UNC5D: variants seen among roughly 807,000 people sequenced by gnomAD.
UNC5D encodes netrin receptor UNC5D.
In UNC5D, 39 loss-of-function variants were observed where a neutral mutation model predicts 105.4. The ratio of observed to expected loss-of-function variants is 0.37; its 90% CI spans 0.29 to 0.48. The LOEUF is 0.48. Among genes scored for constraint, UNC5D ranks in the 20% least tolerant of loss-of-function variants. The pLI is 0.98. For missense variants in UNC5D, 991 were observed against 1,202.4 expected (o/e 0.82, Z 2.60); for synonymous variants, 452 against 450.4 (o/e 1.00, Z -0.04).
At chr8:35,486,819 T>G (rs927250069) in intron 1 of UNC5D, among the ~76,000 whole-genome samples, 1 of 152,190 alleles carries the variant, frequency 6.6e-6, no homozygotes, top group Admixed American at 6.5e-5. Flanking sequence ...TATATTAGTA[T>G]TTTTGAAATA....
Position 35,284,338 on chromosome 8 carries a change from A to T in UNC5D, c.103+48451A>T, listed in dbSNP as rs146631607. Among the ~76,000 whole-genome samples, 28 of 152,308 alleles carry T rather than the reference A, an allele frequency of 1.8e-4. No individual in the cohort carries two copies. In the East Asian group the frequency reaches 5.4e-3, roughly 29 times the overall value. ...AAAAATTCACTACTTTTGGTGACAG[A>T]TGTTATTTGCACAAGAATGACAAAA... On this transcript the variant is annotated intron_variant, in intron 1 of 16. Transcript: ENST00000404895.
At chr8:35,484,486 C>T (rs1384089471) in intron 1 of UNC5D, among the ~76,000 whole-genome samples, 2 of 152,144 alleles carry the variant, frequency 1.3e-5, no homozygotes. Flanking sequence ...CATGGCACCA[C>T]TGAAGGCCAT....
intron 1 of UNC5D, among the ~76,000 whole-genome samples, chr8:35,474,502 A>G (rs1354168881): frequency 6.6e-6 from 1 of 152,202 alleles, no homozygotes; most frequent in African/African-American, 2.4e-5. Context: ...ATAATATTAT[A>G]TGTAAGTTAT....
intron 1 of UNC5D, among the ~76,000 whole-genome samples, chr8:35,538,183 G>C (rs995126075): frequency 6.6e-6 from 1 of 151,688 alleles, no homozygotes; most frequent in Non-Finnish European, 1.5e-5. Context: ...AGGAGAATCG[G>C]CTATAAGCAA....
chr8:35,671,942 T>C (rs1400394417), intron 4 of UNC5D, among the ~76,000 whole-genome samples: 2 of 152,202 alleles, frequency 1.3e-5, no homozygotes, highest in Non-Finnish European at 2.9e-5. Context: ...TAATTTATGC[T>C]AATTCATTCT....
At chr8:35,634,152 T>A (rs1421522985) in intron 4 of UNC5D, among the ~76,000 whole-genome samples, 1 of 152,204 alleles carries the variant, frequency 6.6e-6, no homozygotes, top group Non-Finnish European at 1.5e-5. Context: ...ACATTTAAAA[T>A]CAGGATTATT....
At chr8:35,507,447 T>C (rs1358815219) in intron 1 of UNC5D, among the ~76,000 whole-genome samples, 1 of 152,162 alleles carries the variant, frequency 6.6e-6, no homozygotes, top group Non-Finnish European at 1.5e-5. Context: ...ATCTTTACCC[T>C]GTAAGTAAGA....
At chr8:35,489,348 A>G (rs1171778123) in intron 1 of UNC5D, among the ~76,000 whole-genome samples, 1 of 151,968 alleles carries the variant, frequency 6.6e-6, no homozygotes, top group Non-Finnish European at 1.5e-5. Context: ...GCCACCCCCA[A>G]ATTCATATGT....
chr8:35,353,206 A>C (rs1311456464), intron 1 of UNC5D, among the ~76,000 whole-genome samples: 1 of 152,220 alleles, frequency 6.6e-6, no homozygotes, highest in Non-Finnish European at 1.5e-5. Context: ...TGTAGAAATC[A>C]ATAGGGAAAA....
At chr8:35,311,187 G>A (rs1389271213) in intron 1 of UNC5D, among the ~76,000 whole-genome samples, 3 of 152,196 alleles carry the variant, frequency 2.0e-5, no homozygotes, top group Admixed American at 2.0e-4. Flanking sequence ...GCGTATTTGA[G>A]TGTCTACAAA....
In UNC5D at chr8:35,443,146, G is replaced by T. The variant is rs189588432; in HGVS notation, c.104-106146G>T. On this transcript the variant is annotated intron_variant, in intron 1 of 16. Coordinates refer to ENST00000404895, the MANE Select transcript of UNC5D (RefSeq NM_080872.4). ...TATCCGAAGCTTATTCTATCTCAGG[G>T]TGCTAAAACCCAAGTAACCGTATTT... 2.6e-4 allele frequency among the ~76,000 whole-genome samples: 40 copies of T among 151,824 alleles called. 2 individuals are homozygous for T. In the East Asian group the frequency reaches 6.4e-3, roughly 24 times the overall value.
chr8:35,312,586 G>A (rs753203009), intron 1 of UNC5D, among the ~76,000 whole-genome samples: 3 of 152,110 alleles, frequency 2.0e-5, no homozygotes, highest in Non-Finnish European at 4.4e-5. Context: ...CAGTAAGGAT[G>A]GGCTTGTCAC....
chr8:35,491,894 T>G (rs1811235988), intron 1 of UNC5D, among the ~76,000 whole-genome samples: 1 of 152,170 alleles, frequency 6.6e-6, no homozygotes, highest in Admixed American at 6.6e-5. Context: ...TGAGAATAGT[T>G]ATTGAGTCCC....
rs1336066277 is a variant in UNC5D, at chr8:35,726,409, A to G, written c.1561A>G (p.Met521Val). Residue 521 changes from methionine to valine, a missense_variant, in exon 10 of 17, where the codon ATG becomes GTG. Met to Val is a conservative substitution (Grantham distance 21). This residue lies in a region of UNC5D where 944 missense variants were observed against 1,131.6 expected (regional missense o/e 0.83). Transcript: ENST00000404895. ...TGGAAACAACCACAGCTTTAGTACA[A>G]TGCATCCCAGAAATAAAATGCCCTA... ...PHGNNHSFST[M>V]HPRNKMPYIQ... 3.1e-6 allele frequency: 5 copies of G among 1,614,170 alleles called. No homozygotes were observed. Among genetic ancestry groups the G allele is most frequent in the Non-Finnish European group, 4.2e-6 (5 of 1,180,030 alleles).
At chr8:35,355,965 C>CTA (rs1193670582) in intron 1 of UNC5D, among the ~76,000 whole-genome samples, 1 of 152,104 alleles carries the variant, frequency 6.6e-6, no homozygotes, top group African/African-American at 2.4e-5. Context: ...AGCCTTCAGG[C>CTA]TAGAGTGCTG....
intron 1 of UNC5D, among the ~76,000 whole-genome samples, chr8:35,236,737 C>G (rs931745843): frequency 6.6e-6 from 1 of 152,332 alleles, no homozygotes; most frequent in South Asian, 2.1e-4. Context: ...AGATAAATCC[C>G]AAGGAGTTGT....
At chr8:35,770,905 TG>T (rs1177545385) in intron 15 of UNC5D, among the ~76,000 whole-genome samples, 4 of 152,198 alleles carry the variant, frequency 2.6e-5, no homozygotes, top group African/African-American at 9.6e-5. Context: ...AGGTAGCAGC[TG>T]CTTATCTCAG....
At chr8:35,766,769 A>G (rs1801786438) in intron 14 of UNC5D, 133 bp from the exon 15 acceptor site, 1 of 1,065,044 alleles carries the variant, frequency 9.4e-7, no homozygotes, top group Non-Finnish European at 1.3e-6. Context: ...CTAGGCAATT[A>G]TCTCTGCTGT....
Position 35,235,702 on chromosome 8 carries a change from T to C in UNC5D, c.-83T>C. On this transcript the variant is annotated 5_prime_UTR_variant, in exon 1 of 17. Transcript: ENST00000404895. ...CTCTCTGAAGACTCCCGAGACCCAT[T>C]CGACTCGGGACCCTCATCGCCGACC... 5 of 1,056,446 alleles carry C rather than the reference T, an allele frequency of 4.7e-6. No homozygotes were observed. Among genetic ancestry groups the C allele is most frequent in the East Asian group, 3.3e-5 (1 of 30,276 alleles). The allele number at this position is 1,056,446 out of a possible 1,614,324, so 65.4% of individuals were successfully genotyped here.
Sources: allele counts gnomAD v4.1 joint callset (sites outside exome capture counted in the v4.1 genomes callset), GRCh38; gene constraint gnomAD v4.1.1; regional missense constraint gnomAD v4.1.1; transcripts MANE v1.5; gene names NCBI Gene and HGNC (gene_info 2026-07-23, HGNC 2026-07-21).